The following LIN54 variants were observed in gnomAD, a reference collection of about 807,000 sequenced individuals.
The protein encoded by LIN54 is protein lin-54 homolog.
Under a neutral mutation model 78.7 loss-of-function variants are expected in LIN54, and 9 were observed. The observed-to-expected ratio is 0.11, with a 90% CI of 0.07 to 0.20. The LOEUF is 0.20. Ranked by LOEUF, LIN54 falls within the 10% of genes least tolerant of loss-of-function variation. The probability of loss-of-function intolerance (pLI) is 1.00; values close to 1 mark genes in which losing one functional copy is unlikely to be tolerated. For missense variants in LIN54, 573 were observed against 889.9 expected, an observed-to-expected ratio of 0.64 and a Z score of 4.53; for synonymous variants, 269 against 318.4, an observed-to-expected ratio of 0.84 and a Z score of 1.65.
Position 82,938,464 on chromosome 4 carries a change from G to A in LIN54, c.1481C>T (p.Thr494Ile), listed in dbSNP as rs773262144. ...CTGGATACCAGATGTTCCAGTAAAGGTAGAGTTGCTTGCTATTGATACATA... is the reference window on the plus strand; with the variant it reads ...CTGGATACCAGATGTTCCAGTAAAGATAGAGTTGCTTGCTATTGATACATA... The part of the protein sequence containing the change: ...SSYVSIASNS[T>I]FTGTSGIQTQ... The change falls in exon 8 of 13, where the codon ACC becomes ATC. Residue 494 changes from threonine to isoleucine, a missense_variant. Coordinates refer to ENST00000340417, the MANE Select transcript of LIN54 (RefSeq NM_194282.4). The A allele has an allele frequency of 6.2e-7, 1 of 1,611,700 alleles. No individual in the cohort carries two copies. The highest frequency in any genetic ancestry group is 8.5e-7 in the Non-Finnish European group (1 of 1,177,984).
intron 11 of LIN54, among the ~76,000 whole-genome samples, chr4:82,934,136 G>A (rs1475049814): frequency 6.6e-6 from 1 of 152,186 alleles, no homozygotes; most frequent in Non-Finnish European, 1.5e-5. Context: ...TTGCGACGGT[G>A]GCTCATGCCT....
At position 82,970,439 on chromosome 4, in the gene LIN54, G is replaced by T. The variant is rs1560757406; in HGVS notation, c.839C>A (p.Thr280Asn). 6 of 1,612,748 alleles carry T rather than the reference G, an allele frequency of 3.7e-6. No homozygotes were observed. Among genetic ancestry groups the T allele is most frequent in the Non-Finnish European group, 4.2e-6 (5 of 1,179,380 alleles). Residue 280 changes from threonine (T) to asparagine (N), a missense_variant, in exon 4 of 13, where the codon ACT becomes AAT. Thr to Asn is a moderately conservative substitution (Grantham distance 65). This residue lies in a region of LIN54 where 199 missense variants were observed against 260.9 expected (regional missense o/e 0.76). Transcript: ENST00000340417. ...AGATATTGTTATGGTCTTTGATGGA[G>T]TTCCGGGAGTAGACTGTGAAAGAAC... ...GRVLSQSTPG[T>N]PSKTITISES...
At chr4:83,004,966 C>G (rs1241179453) in intron 1 of LIN54, among the ~76,000 whole-genome samples, 2 of 152,308 alleles carry the variant, frequency 1.3e-5, no homozygotes, top group Middle Eastern at 3.4e-3. Context: ...GCGATCTCAG[C>G]TCTCTGCAAC....
rs554744373 is a variant in LIN54 at position 82,926,962 on chromosome 4, A to G, written c.*1140T>C. On this transcript the variant is annotated 3_prime_UTR_variant, in exon 13 of 13. Transcript: ENST00000340417. ...GGAGATCGAGACCATCCTGGCTAAC[A>G]CGGTGAAACCCCGTCTCTACTAAAA... 9.8e-5 allele frequency: 15 copies of G among 152,320 alleles called. No homozygotes were observed. In the East Asian group the frequency reaches 2.7e-3, roughly 27 times the overall value. 9.4% of individuals were successfully genotyped at this position (152,320 alleles called of 1,614,324 possible).
In LIN54 at chr4:82,986,795, T is replaced by TACC. The variant is rs1178249690; in HGVS notation, c.-32-1922_-32-1920dup. On this transcript the variant is annotated intron_variant, in intron 1 of 12. Transcript: ENST00000340417. ...AACTATTAGCATTGGCAAATACTAC[T>TACC]ACCACCAAAATAAACCATCATTATT... 8.7e-5 allele frequency among the ~76,000 whole-genome samples: 13 copies of TACC among 148,868 alleles called. No individual in the cohort carries two copies. The East Asian group carries it at 2.1e-3, about 24-fold the overall frequency.
chr4:82,939,166 T>A (rs1161498405), intron 7 of LIN54, among the ~76,000 whole-genome samples: 2 of 152,230 alleles, frequency 1.3e-5, no homozygotes, highest in Non-Finnish European at 2.9e-5. Flanking sequence ...TTGGGCTTAT[T>A]TTCCAAGTCA....
chr4:82,943,579 AG>A (rs1723110077), intron 5 of LIN54, among the ~76,000 whole-genome samples: 1 of 152,204 alleles, frequency 6.6e-6, no homozygotes, highest in Non-Finnish European at 1.5e-5. Flanking sequence ...TTTATGGGAC[AG>A]GAGACAGAGA....
intron 1 of LIN54, among the ~76,000 whole-genome samples, chr4:82,999,780 A>AAAAC (rs1241330756): frequency 2.1e-4 from 32 of 150,248 alleles, no homozygotes; most frequent in Non-Finnish European, 4.3e-4. Context: ...TCTGTCTCAA[A>AAAAC]AAAAAAAAAA....
intron 4 of LIN54, among the ~76,000 whole-genome samples, chr4:82,966,509 G>A (rs543016385): frequency 6.6e-6 from 1 of 151,470 alleles, no homozygotes; most frequent in Non-Finnish European, 1.5e-5. Flanking sequence ...GAGAATGCCA[G>A]GGCTTTACAT....
intron 4 of LIN54, among the ~76,000 whole-genome samples, chr4:82,961,041 C>T (rs1486329442): frequency 6.6e-6 from 1 of 151,982 alleles, no homozygotes; most frequent in Non-Finnish European, 1.5e-5. Context: ...GCCTGGGTGA[C>T]AGAGTGAGAT....
chr4:82,953,095 A>G (rs1460611513), intron 4 of LIN54, among the ~76,000 whole-genome samples: 1 of 152,134 alleles, frequency 6.6e-6, no homozygotes, highest in Non-Finnish European at 1.5e-5. Context: ...GGCTCAAGGG[A>G]TCCTCCCATC....
At chr4:82,971,532 G>C (rs547391490) in intron 3 of LIN54, among the ~76,000 whole-genome samples, 18 of 142,896 alleles carry the variant, frequency 1.3e-4, no homozygotes, top group African/African-American at 3.9e-4. Context: ...TTTTTAAATT[G>C]AATTTAAAAA....
intron 1 of LIN54, among the ~76,000 whole-genome samples, chr4:83,008,267 C>G (rs916820168): frequency 6.6e-6 from 1 of 152,094 alleles, no homozygotes; most frequent in African/African-American, 2.4e-5. Flanking sequence ...TTGAAAGTTC[C>G]CTGAAGTAAT....
intron 4 of LIN54, among the ~76,000 whole-genome samples, chr4:82,953,771 A>G (rs1724051374): frequency 6.6e-6 from 1 of 152,072 alleles, no homozygotes; most frequent in Non-Finnish European, 1.5e-5. Flanking sequence ...GCAACATGGC[A>G]AAACCCCATC....
chr4:82,992,596 G>C (rs1403088371), intron 1 of LIN54, among the ~76,000 whole-genome samples: 2 of 152,168 alleles, frequency 1.3e-5, no homozygotes, highest in African/African-American at 4.8e-5. Context: ...GCTGTAGCAA[G>C]CAAACCACGA....
intron 1 of LIN54, among the ~76,000 whole-genome samples, chr4:82,986,735 A>ACCCAT (rs1727184036): frequency 2.0e-5 from 3 of 146,516 alleles, no homozygotes; most frequent in African/African-American, 7.6e-5. Context: ...AAGATACAAC[A>ACCCAT]CCCATCCAAA....
chr4:82,942,965 T>A (rs1250566441), intron 5 of LIN54, among the ~76,000 whole-genome samples: 1 of 149,534 alleles, frequency 6.7e-6, no homozygotes, highest in Non-Finnish European at 1.5e-5. Flanking sequence ...ACTTGCATAC[T>A]GAGTTTTCAC....
rs773351880 is a variant in LIN54 at position 82,939,565 on chromosome 4, C to T, written c.1414G>A (p.Val472Met). The T allele has an allele frequency of 3.1e-6, 5 of 1,613,986 alleles. No individual in the cohort carries two copies. Among genetic ancestry groups the T allele is most frequent in the Non-Finnish European group, 3.4e-6 (4 of 1,179,944 alleles). ...APGTGNVGYA[V>M]LPAQYVTQLQ... ...TGAGTAACATACTGAGCTGGAAGCA[C>T]TGCATAACCCACATTCCCTGTTCCC... Residue 472 changes from valine (V) to methionine (M), a missense_variant, in exon 7 of 13, where the codon GTG becomes ATG. This residue lies in a region of LIN54 where 101 missense variants were observed against 194.2 expected (regional missense o/e 0.52). Coordinates refer to ENST00000340417, the MANE Select transcript of LIN54 (RefSeq NM_194282.4).
chr4:83,005,533 G>A (rs555196367), intron 1 of LIN54, among the ~76,000 whole-genome samples: 285 of 151,016 alleles, frequency 1.9e-3, no homozygotes, highest in Non-Finnish European at 2.1e-3. Context: ...GCTGAGCTAC[G>A]AGAATCACTT....
Sources: gnomAD v4.1 joint callset for allele counts (sites outside exome capture counted in the v4.1 genomes callset) on GRCh38, gnomAD v4.1.1 for gene constraint, gnomAD v4.1.1 regional missense constraint, MANE v1.5 for transcripts, NCBI Gene and HGNC (gene_info 2026-07-23, HGNC 2026-07-21) for gene names.